GLI2: variants seen among roughly 807,000 people sequenced by gnomAD.
GLI2 encodes the protein GLI family zinc finger 2.
GLI2 carries 22 observed loss-of-function variants against 78.9 expected under a neutral mutation model. The ratio of observed to expected loss-of-function variants is 0.28; its 90% CI spans 0.20 to 0.40. The LOEUF (loss-of-function observed/expected upper bound fraction) is 0.40. Ranked by LOEUF, GLI2 falls within the 10% of genes least tolerant of loss-of-function variation. The pLI, the probability that GLI2 is intolerant of heterozygous loss-of-function variation, is 1.00. For synonymous variants in GLI2, 974 were observed against 963.7 expected (o/e 1.01, Z -0.20); for missense variants, 2,097 against 2,213.2 (o/e 0.95, Z 1.05).
intron 5 of GLI2, among the ~76,000 whole-genome samples, chr2:120,960,411 G>A (rs956434149): frequency 6.6e-5 from 10 of 152,206 alleles, no homozygotes; most frequent in Non-Finnish European, 1.3e-4. Flanking sequence ...GGAACTCCAT[G>A]TGGGTCCTCA....
chr2:120,769,052 C>G (rs1683450266), intron 1 of GLI2, among the ~76,000 whole-genome samples: 1 of 152,174 alleles, frequency 6.6e-6, no homozygotes, highest in South Asian at 2.1e-4. Context: ...GAAGACTTGA[C>G]AAGGGTCCTC....
Position 120,990,375 on chromosome 2 carries a change from C to T in GLI2, c.4410C>T (p.Pro1470=), listed in dbSNP as rs139823429. The stretch of plus-strand genomic sequence containing the variant: ...GTCAGGACAGCATCCAGCCCCAGCC[C>T]TTGCCCTCACCAGGGGTCAACCAGG... ...QACQDSIQPQ[P]LPSPGVNQVS... is the part of the protein sequence containing the mutation. The change falls in exon 14 of 14, where the codon CCC becomes CCT. Residue 1470 remains proline, a synonymous_variant. Coordinates refer to ENST00000361492, the MANE Select transcript of GLI2 (RefSeq NM_001374353.1). The T allele has an allele frequency of 1.3e-5, 21 of 1,614,014 alleles. No individual in the cohort carries two copies. Among genetic ancestry groups the T allele is most frequent in the African/African-American group, 9.3e-5 (7 of 74,932 alleles).
At position 120,991,094 on chromosome 2, in the gene GLI2, C is replaced by T. The variant is rs370777016; in HGVS notation, c.*419C>T. ...GAATGCTATACTGGATACTCTGCTC[C>T]GGAAAGATGAGCTTTTTATTCTACT... is the stretch of plus-strand genomic sequence containing the variant. On this transcript the variant is annotated 3_prime_UTR_variant, in exon 14 of 14. Transcript: ENST00000361492. The T allele has an allele frequency of 2.0e-4, 34 of 169,138 alleles. 1 individual carries two copies. The East Asian group carries it at 3.3e-3, about 17-fold the overall frequency. 10.5% of individuals were successfully genotyped at this position (169,138 alleles called of 1,614,324 possible).
At chr2:120,767,651 T>C (rs1239960158) in intron 1 of GLI2, among the ~76,000 whole-genome samples, 2 of 152,186 alleles carry the variant, frequency 1.3e-5, no homozygotes, top group African/African-American at 4.8e-5. Context: ...TGCCCCCCGC[T>C]CTGAGAGGCC....
chr2:120,857,374 T>G (rs374523295), intron 2 of GLI2, among the ~76,000 whole-genome samples: 13 of 34,412 alleles, frequency 3.8e-4, no homozygotes, highest in East Asian at 1.3e-3. Flanking sequence ...CCCACTCACC[T>G]ACCTACCCAT....
chr2:120,853,208 C>A (rs1687492115), intron 2 of GLI2, among the ~76,000 whole-genome samples: 2 of 152,068 alleles, frequency 1.3e-5, no homozygotes, highest in African/African-American at 4.8e-5. Context: ...GGCCAGGAGA[C>A]CTTCAAAGGG....
chr2:120,805,741 CTG>C (rs1345015347), intron 2 of GLI2, among the ~76,000 whole-genome samples: 5 of 152,220 alleles, frequency 3.3e-5, no homozygotes, highest in African/African-American at 9.6e-5. Context: ...TCCCAAGTGA[CTG>C]TGTTTATGTT....
chr2:120,973,202 C>T (rs1229519429), intron 8 of GLI2, among the ~76,000 whole-genome samples: 2 of 152,254 alleles, frequency 1.3e-5, no homozygotes, highest in Non-Finnish European at 2.9e-5. Flanking sequence ...CCCTTGCTGA[C>T]ACCAAAGCCG....
At chr2:120,771,194 G>A (rs887562442) in intron 1 of GLI2, among the ~76,000 whole-genome samples, 7 of 152,206 alleles carry the variant, frequency 4.6e-5, no homozygotes, top group Non-Finnish European at 1.0e-4. Flanking sequence ...GAGGCGGGCC[G>A]GCACAGAGAG....
intron 2 of GLI2, among the ~76,000 whole-genome samples, chr2:120,908,768 C>T (rs1482768025): frequency 6.6e-6 from 1 of 152,216 alleles, no homozygotes; most frequent in African/African-American, 2.4e-5. Flanking sequence ...GCTTGTGTCA[C>T]TCCAGCCTGG....
chr2:120,901,155 C>T (rs771734040), intron 2 of GLI2, among the ~76,000 whole-genome samples: 1 of 152,218 alleles, frequency 6.6e-6, no homozygotes, highest in Non-Finnish European at 1.5e-5. Context: ...ATTTGGCAAA[C>T]CCCTGCCATC....
intron 8 of GLI2, chr2:120,972,744 G>A: frequency 3.9e-6 from 2 of 509,292 alleles, no homozygotes; most frequent in South Asian, 1.4e-5. Flanking sequence ...GCGTGGTGAG[G>A]GGGGAAGACA....
chr2:120,765,798 T>C (rs1378811270), intron 1 of GLI2, among the ~76,000 whole-genome samples: 2 of 152,240 alleles, frequency 1.3e-5, no homozygotes, highest in Non-Finnish European at 2.9e-5. Flanking sequence ...TCAGGCGTCT[T>C]TGAGACCGCT....
At chr2:120,755,212 C>T (rs59105247) in intron 1 of GLI2, among the ~76,000 whole-genome samples, 23,104 of 152,148 alleles carry the variant, frequency 0.15, 2,085 homozygotes, top group East Asian at 0.24. Flanking sequence ...TTTTATATTC[C>T]CACCAATGGT....
chr2:120,927,023 C>A (rs866828080), intron 2 of GLI2, among the ~76,000 whole-genome samples: 1 of 152,214 alleles, frequency 6.6e-6, no homozygotes, highest in Non-Finnish European at 1.5e-5. Flanking sequence ...CAGAAGCCGG[C>A]GGAGTTGGAG....
intron 2 of GLI2, among the ~76,000 whole-genome samples, chr2:120,813,130 T>C (rs1041529212): frequency 3.3e-5 from 5 of 152,232 alleles, no homozygotes; most frequent in Non-Finnish European, 5.9e-5. Flanking sequence ...GCACCACTAA[T>C]ATGGACAATG....
At chr2:120,896,898 G>A (rs531871485) in intron 2 of GLI2, among the ~76,000 whole-genome samples, 1 of 152,202 alleles carries the variant, frequency 6.6e-6, no homozygotes, top group African/African-American at 2.4e-5. Context: ...GTGTAACAGG[G>A]CTGAACAAAA....
intron 1 of GLI2, among the ~76,000 whole-genome samples, chr2:120,776,706 G>T (rs1573367220): frequency 6.6e-6 from 1 of 152,338 alleles, no homozygotes; most frequent in East Asian, 1.9e-4. Flanking sequence ...AGGCTGTGAG[G>T]TTAGAGGAAG....
intron 3 of GLI2, 30 bp from the exon 4 acceptor site, chr2:120,951,213 T>A: frequency 7.4e-7 from 1 of 1,354,500 alleles, no homozygotes; most frequent in Non-Finnish European, 1.1e-6. Context: ...TGTGTCCTCC[T>A]TCTTAGACGG....
Sources: allele counts gnomAD v4.1 joint callset (sites outside exome capture counted in the v4.1 genomes callset), GRCh38; gene constraint gnomAD v4.1.1; transcripts MANE v1.5; gene names NCBI Gene and HGNC (gene_info 2026-07-23, HGNC 2026-07-21).